The following EPS8 variants were observed in gnomAD, a reference collection of about 807,000 sequenced individuals.
EPS8 encodes epidermal growth factor receptor kinase substrate 8.
In EPS8, 42 loss-of-function variants were observed where a neutral mutation model predicts 103.8. The ratio of observed to expected loss-of-function variants is 0.40; its 90% CI spans 0.32 to 0.52. The LOEUF (loss-of-function observed/expected upper bound fraction) is 0.52, where lower values mean the gene tolerates loss of function less well. EPS8 is among the 20% of genes least tolerant of loss of function. The pLI, the probability that EPS8 is intolerant of heterozygous loss-of-function variation, is 0.40. For synonymous variants in EPS8, 344 were observed against 344.6 expected, an observed-to-expected ratio of 1.00 and a Z score of 0.02; for missense variants, 969 against 1,005.1, an observed-to-expected ratio of 0.96 and a Z score of 0.49.
intron 1 of EPS8, 179 bp from the exon 2 acceptor site, chr12:15,683,151 A>C: frequency 2.5e-6 from 1 of 402,810 alleles, no homozygotes; most frequent in Non-Finnish European, 4.3e-6. Flanking sequence ...ATTTAAACAA[A>C]GATCCAACTG....
At chr12:15,742,082 A>T (rs947715308) in intron 1 of EPS8, among the ~76,000 whole-genome samples, 20 of 152,192 alleles carry the variant, frequency 1.3e-4, no homozygotes, top group Middle Eastern at 3.2e-3. Flanking sequence ...CATGGTGTAT[A>T]TGTGCCACAT....
At chr12:15,750,067 G>A (rs1354075783) in intron 1 of EPS8, among the ~76,000 whole-genome samples, 1 of 152,114 alleles carries the variant, frequency 6.6e-6, no homozygotes, top group East Asian at 1.9e-4. Context: ...CGGGTGCTTG[G>A]ATGAAGATAA....
rs188172973 is a variant in EPS8 at position 15,666,979 on chromosome 12, C to T, written c.517-457G>A. Reference sequence around the variant, plus strand: ...ACTACACCCATAAGATAAACTCCAACGCTAGGTTTTACCCCTTTGGGTAAC... The same window carrying T: ...ACTACACCCATAAGATAAACTCCAATGCTAGGTTTTACCCCTTTGGGTAAC... On this transcript the variant is annotated intron_variant, in intron 6 of 20. Coordinates refer to ENST00000281172, the MANE Select transcript of EPS8 (RefSeq NM_004447.6). Among the ~76,000 whole-genome samples the T allele has an allele frequency of 4.0e-3, 611 of 152,306 alleles. 3 individuals carry two copies. The highest frequency in any genetic ancestry group is 0.02 in the Middle Eastern group (6 of 294).
chr12:15,633,299 A>G lies in EPS8; in HGVS notation c.1822-1635T>C, dbSNP rs143620118. Among the ~76,000 whole-genome samples, 22 of 152,366 alleles carry G rather than the reference A, an allele frequency of 1.4e-4. 1 individual carries two copies. The East Asian group carries it at 3.7e-3, about 25-fold the overall frequency. ...CAGAATGTAATACTTAGCACACACC[A>G]AAGTCATCTGATTAATGTATATGCA... On this transcript the variant is annotated intron_variant, in intron 17 of 20. Coordinates refer to ENST00000281172, the MANE Select transcript of EPS8 (RefSeq NM_004447.6).
intron 16 of EPS8, among the ~76,000 whole-genome samples, chr12:15,641,504 C>T (rs1945228909): frequency 6.6e-6 from 1 of 151,542 alleles, no homozygotes; most frequent in South Asian, 2.1e-4. Context: ...AAAAAAAACC[C>T]ACCCTGCCAC....
chr12:15,722,875 T>A (rs959811216), intron 1 of EPS8, among the ~76,000 whole-genome samples: 3 of 152,068 alleles, frequency 2.0e-5, no homozygotes, highest in African/African-American at 7.2e-5. Context: ...TTCTTCATAC[T>A]ATCACATCGA....
chr12:15,631,174 C>G (rs1229271553), intron 18 of EPS8, among the ~76,000 whole-genome samples: 2 of 152,040 alleles, frequency 1.3e-5, no homozygotes, highest in African/African-American at 2.4e-5. Flanking sequence ...TATACAAATT[C>G]CAGGATGTCT....
chr12:15,660,781 AT>A, intron 9 of EPS8, 41 bp from the exon 10 acceptor site: 2 of 1,223,604 alleles, frequency 1.6e-6, no homozygotes, highest in Non-Finnish European at 2.3e-6. Flanking sequence ...AAACAAAACT[AT>A]TTTTACCTTA....
intron 1 of EPS8, among the ~76,000 whole-genome samples, chr12:15,758,493 C>T (rs1179572735): frequency 6.6e-6 from 1 of 152,168 alleles, no homozygotes; most frequent in East Asian, 1.9e-4. Flanking sequence ...CCATTGAGCA[C>T]TTGAAATGTT....
intron 8 of EPS8, 94 bp from the exon 9 acceptor site, chr12:15,662,193 C>A (rs1028088638): frequency 1.3e-6 from 2 of 1,551,948 alleles, no homozygotes; most frequent in Non-Finnish European, 1.8e-6. Context: ...AAAGGAGGAC[C>A]ATTTGCCAAA....
rs371784256 is a variant in EPS8, at chr12:15,722,604, C to T, written c.-21-39632G>A. Among the ~76,000 whole-genome samples, 7 of 152,214 alleles carry T rather than the reference C, an allele frequency of 4.6e-5. No homozygotes were observed. In the South Asian group the frequency reaches 6.2e-4, roughly 14 times the overall value. ...ACACTCTGTCTTAGTGCATTCAGAC[C>T]GCTATAGCAAAAATGCCTTATGCTG... is the stretch of plus-strand genomic sequence containing the variant. On this transcript the variant is annotated intron_variant, in intron 1 of 20. Coordinates refer to ENST00000281172, the MANE Select transcript of EPS8 (RefSeq NM_004447.6).
chr12:15,648,995 T>A (rs1280111182), intron 14 of EPS8, among the ~76,000 whole-genome samples: 3 of 152,224 alleles, frequency 2.0e-5, no homozygotes, highest in Non-Finnish European at 4.4e-5. Context: ...TGATTACGTT[T>A]TTTTGCTTTT....
intron 12 of EPS8, 157 bp downstream of exon 12, chr12:15,657,922 A>T: frequency 1.6e-6 from 1 of 609,404 alleles, no homozygotes; most frequent in Non-Finnish European, 2.9e-6. Flanking sequence ...GGGTTCTTTT[A>T]AATTCTCAAA....
intron 18 of EPS8, among the ~76,000 whole-genome samples, chr12:15,630,227 T>TACAC (rs1373718185): frequency 1.4e-5 from 1 of 71,122 alleles, no homozygotes; most frequent in African/African-American, 3.9e-5. Context: ...CACACACACA[T>TACAC]ACACACACAC....
At chr12:15,705,096 A>T (rs1946367079) in intron 1 of EPS8, among the ~76,000 whole-genome samples, 1 of 152,216 alleles carries the variant, frequency 6.6e-6, no homozygotes, top group Non-Finnish European at 1.5e-5. Flanking sequence ...TGAAGGAAAA[A>T]AAAGCTCGCT....
rs1034825595 is a variant in EPS8 at position 15,760,905 on chromosome 12, C to T, written c.-22+28256G>A. ...AGATCTGGCACACAGGAAGTATGCC[C>T]ACTTTCACCATTATTATTCAATGCA... On this transcript the variant is annotated intron_variant, in intron 1 of 20. Coordinates refer to ENST00000281172, the MANE Select transcript of EPS8 (RefSeq NM_004447.6). This position sits in a 1 kb window ranked among gnomAD's most constrained non-coding sequence, Gnocchi z 4.5. Among the ~76,000 whole-genome samples, 3 of 151,952 alleles carry T rather than the reference C, an allele frequency of 2.0e-5. No homozygotes were observed. The highest frequency in any genetic ancestry group is 4.4e-5 in the Non-Finnish European group (3 of 67,924).
chr12:15,641,809 T>A lies in EPS8; in HGVS notation c.1590A>T (p.Thr530=), dbSNP rs1945235843. 1.9e-6 allele frequency: 3 copies of A among 1,581,732 alleles called. No individual in the cohort carries two copies. Among genetic ancestry groups the A allele is most frequent in the Non-Finnish European group, 2.6e-6 (3 of 1,158,450 alleles). ...HIDRNYEPLK[T]QPKKYAKSKY... is the part of the protein sequence containing the mutation. ...TGGATTTGGCATATTTCTTGGGTTG[T>A]GTTTTGAGTGGTTCATAATTTCTAT... Residue 530 remains threonine, a synonymous_variant, in exon 16 of 21, where the codon ACA becomes ACT. Coordinates refer to ENST00000281172, the MANE Select transcript of EPS8 (RefSeq NM_004447.6).
chr12:15,639,170 C>T (rs1945186492), intron 17 of EPS8, among the ~76,000 whole-genome samples: 1 of 152,132 alleles, frequency 6.6e-6, no homozygotes, highest in Admixed American at 6.5e-5. Flanking sequence ...CATAGCTTAC[C>T]ATGACCTGCA....
At chr12:15,623,511 T>C (rs1257373059) in intron 19 of EPS8, among the ~76,000 whole-genome samples, 1 of 152,186 alleles carries the variant, frequency 6.6e-6, no homozygotes, top group Non-Finnish European at 1.5e-5. Flanking sequence ...GTATCAAAAA[T>C]GAGCCAATTC....
Sources: allele counts gnomAD v4.1 joint callset (sites outside exome capture counted in the v4.1 genomes callset), GRCh38; gene constraint gnomAD v4.1.1; non-coding constraint Gnocchi (gnomAD v3.1); transcripts MANE v1.5; gene names NCBI Gene and HGNC (gene_info 2026-07-23, HGNC 2026-07-21).